Variants in ESRRG observed in about 807,000 individuals in gnomAD.
The protein encoded by ESRRG is estrogen-related receptor gamma.
A neutral mutation model predicts 44.0 loss-of-function variants in ESRRG; 13 were observed. The ratio of observed to expected loss-of-function variants is 0.30; its 90% CI spans 0.19 to 0.47. ESRRG has a LOEUF of 0.47. Ranked by LOEUF, ESRRG falls within the 20% of genes least tolerant of loss-of-function variation. The pLI is 1.00. For synonymous variants in ESRRG, 215 were observed against 214.6 expected (o/e 1.00, Z -0.02); for missense variants, 395 against 580.6 (o/e 0.68, Z 3.29).
intron 6 of ESRRG, among the ~76,000 whole-genome samples, chr1:216,509,570 T>C (rs949952340): frequency 2.6e-5 from 4 of 152,126 alleles, no homozygotes; most frequent in African/African-American, 9.7e-5. Flanking sequence ...AGATATATTA[T>C]AGGATGTCAT....
intron 1 of ESRRG, among the ~76,000 whole-genome samples, chr1:217,082,458 C>G (rs2151517047): frequency 6.6e-6 from 1 of 152,302 alleles, no homozygotes; most frequent in Non-Finnish European, 1.5e-5. Context: ...AATAATTTCT[C>G]AAAATCATAC....
At chr1:216,747,178 G>C (rs911892721) in intron 2 of ESRRG, among the ~76,000 whole-genome samples, 1 of 152,064 alleles carries the variant, frequency 6.6e-6, no homozygotes, top group Non-Finnish European at 1.5e-5. Flanking sequence ...CAGTTTTATT[G>C]ATTATGAAAC....
At chr1:217,000,764 T>C (rs1384789602) in intron 1 of ESRRG, 9 of 152,214 alleles carry the variant, frequency 5.9e-5, no homozygotes, top group Admixed American at 5.9e-4. Context: ...CAGCTTCATG[T>C]TAGAAAGGGC....
At chr1:216,904,656 G>A (rs1469891) in intron 2 of ESRRG, among the ~76,000 whole-genome samples, 11,891 of 152,186 alleles carry the variant, frequency 0.078, 1,258 homozygotes, top group African/African-American at 0.24. Context: ...GATGTTCAAC[G>A]AGAAGCCTGG....
chr1:216,925,643 C>A (rs1047459527), intron 2 of ESRRG, among the ~76,000 whole-genome samples: 3 of 151,892 alleles, frequency 2.0e-5, no homozygotes, highest in African/African-American at 7.3e-5. Flanking sequence ...CCTTCTTTTC[C>A]TGGTTTATTC....
chr1:216,614,702 T>C (rs11572726), intron 3 of ESRRG, among the ~76,000 whole-genome samples: 315 of 152,158 alleles, frequency 2.1e-3, no homozygotes, highest in Non-Finnish European at 2.3e-3. Flanking sequence ...CTTGAAAGAG[T>C]TGGTTCTAAA....
At chr1:216,709,693 T>C (rs2083206980) in intron 1 of ESRRG, among the ~76,000 whole-genome samples, 1 of 142,416 alleles carries the variant, frequency 7.0e-6, no homozygotes, top group African/African-American at 2.8e-5. Context: ...TAGTGCTGAT[T>C]TAAAAAAAAA....
chr1:217,068,516 C>T (rs542669840), intron 1 of ESRRG, among the ~76,000 whole-genome samples: 53 of 152,170 alleles, frequency 3.5e-4, no homozygotes, highest in African/African-American at 5.1e-4. Flanking sequence ...CTCTAGTCTT[C>T]GGCTATATTT....
intron 1 of ESRRG, among the ~76,000 whole-genome samples, chr1:217,101,720 G>A (rs2092514861): frequency 6.6e-6 from 1 of 152,134 alleles, no homozygotes. Flanking sequence ...ATAAAGTCAT[G>A]TTGATTCTAC....
chr1:216,661,458 T>G (rs963038683), intron 2 of ESRRG, among the ~76,000 whole-genome samples: 2 of 152,200 alleles, frequency 1.3e-5, no homozygotes, highest in African/African-American at 4.8e-5. Context: ...TAAAATATTC[T>G]TGGAAAAGAA....
chr1:217,060,104 G>A (rs7518494), intron 1 of ESRRG, among the ~76,000 whole-genome samples: 128,330 of 151,832 alleles, frequency 0.85, 54,749 homozygotes, highest in Non-Finnish European at 0.9. Flanking sequence ...CATACAATAC[G>A]TATATAATAT....
chr1:216,606,183 C>A (rs1027382113), intron 3 of ESRRG, among the ~76,000 whole-genome samples: 5 of 152,182 alleles, frequency 3.3e-5, no homozygotes, highest in African/African-American at 1.2e-4. Flanking sequence ...TAGCTGTTAT[C>A]TTGGTGCCTG....
At chr1:216,975,166 A>AT (rs2072606061) in intron 1 of ESRRG, among the ~76,000 whole-genome samples, 1 of 152,192 alleles carries the variant, frequency 6.6e-6, no homozygotes, top group Admixed American at 6.6e-5. Context: ...CCTTACAGAC[A>AT]TTTTTAATAA....
intron 2 of ESRRG, among the ~76,000 whole-genome samples, chr1:216,922,286 C>T (rs775426025): frequency 1.3e-5 from 2 of 152,196 alleles, no homozygotes; most frequent in East Asian, 3.9e-4. Context: ...ACTGTAGCTT[C>T]TCTCACCTGA....
chr1:217,090,256 C>T (rs1436944440), upstream of ESRRG, among the ~76,000 whole-genome samples: 1 of 152,030 alleles, frequency 6.6e-6, no homozygotes, highest in South Asian at 2.1e-4. Flanking sequence ...GCCAACTGCT[C>T]CCTTTTGACC....
intron 2 of ESRRG, among the ~76,000 whole-genome samples, chr1:216,740,718 C>A (rs891964202): frequency 2.0e-5 from 3 of 151,578 alleles, no homozygotes; most frequent in Admixed American, 2.0e-4. Flanking sequence ...TTCTACACAC[C>A]TTTCTATATC....
intron 1 of ESRRG, among the ~76,000 whole-genome samples, chr1:217,137,243 A>G (rs926988609): frequency 2.0e-5 from 3 of 152,288 alleles, no homozygotes; most frequent in African/African-American, 4.8e-5. Context: ...TGCTGACCCA[A>G]TCGCGCCTTT....
intron 2 of ESRRG, among the ~76,000 whole-genome samples, chr1:216,667,066 C>T (rs373591624): frequency 6.6e-6 from 1 of 152,176 alleles, no homozygotes; most frequent in South Asian, 2.1e-4. Flanking sequence ...CACACTGGAA[C>T]CAGATAGGCA....
At chr1:216,998,449 T>A (rs572875122) in intron 1 of ESRRG, among the ~76,000 whole-genome samples, 2 of 152,364 alleles carry the variant, frequency 1.3e-5, no homozygotes, top group African/African-American at 4.8e-5. Context: ...CCTCATTTCA[T>A]GGAGTGATAG....
Sources: gnomAD v4.1 joint callset for allele counts (sites outside exome capture counted in the v4.1 genomes callset) on GRCh38, gnomAD v4.1.1 for gene constraint, MANE v1.5 for transcripts, NCBI Gene and HGNC (gene_info 2026-07-23, HGNC 2026-07-21) for gene names.